NRG1: variants seen among roughly 807,000 people sequenced by gnomAD.
NRG1 encodes the protein neuregulin 1, also known as pro-neuregulin-1, membrane-bound isoform.
Under a neutral mutation model 63.8 loss-of-function variants are expected in NRG1, and 18 were observed. The observed-to-expected ratio is 0.28, with a 90% CI of 0.19 to 0.42. The LOEUF (loss-of-function observed/expected upper bound fraction) is 0.42. NRG1 is among the 10% of genes least tolerant of loss of function. The pLI is 1.00. For missense variants in NRG1, 762 were observed against 814.7 expected (o/e 0.94, Z 0.79); for synonymous variants, 302 against 301.3 (o/e 1.00, Z -0.02).
intron 1 of NRG1, among the ~76,000 whole-genome samples, chr8:32,534,755 C>T (rs1364804129): frequency 6.6e-6 from 1 of 152,148 alleles, no homozygotes; most frequent in Non-Finnish European, 1.5e-5. Context: ...TGGTTCAGAT[C>T]TCAATTCCAA....
rs546962734 is a variant in NRG1, at chr8:31,857,468, G to T, written c.37+218037G>T. Among the ~76,000 whole-genome samples the T allele has an allele frequency of 2.0e-5, 3 of 152,306 alleles. No individual in the cohort carries two copies. The East Asian group carries it at 5.8e-4, about 30-fold the overall frequency. ...GTGAGGCAATGCCTCGCCCTGCTTT[G>T]GCTCGCGCAGGGTATGCGCACCCAC... is the stretch of plus-strand genomic sequence containing the variant. On this transcript the variant is annotated intron_variant, in intron 1 of 10. Coordinates refer to the NRG1 transcript ENST00000519301.
At chr8:31,771,395 T>A (rs1818612886) in intron 1 of NRG1, among the ~76,000 whole-genome samples, 1 of 152,132 alleles carries the variant, frequency 6.6e-6, no homozygotes, top group Non-Finnish European at 1.5e-5. Context: ...GCATTTGGGT[T>A]TTTTTCCCCC....
intron 1 of NRG1, among the ~76,000 whole-genome samples, chr8:32,052,954 TG>T (rs1822234420): frequency 1.3e-5 from 2 of 152,290 alleles, no homozygotes; most frequent in Middle Eastern, 6.8e-3. Flanking sequence ...CTGGCCAATG[TG>T]GTTAGCTATA....
chr8:32,559,253 A>AAAAAAAAAAAAAAAAAAAAAAT (rs1835869605), intron 1 of NRG1, among the ~76,000 whole-genome samples: 1 of 150,242 alleles, frequency 6.7e-6, no homozygotes, highest in African/African-American at 2.4e-5. Flanking sequence ...TGTAAAAAAA[A>AAAAAAAAAAAAAAAAAAAAAAT]AAAAAAAAAA....
chr8:32,012,812 A>G (rs1423117038), intron 1 of NRG1, among the ~76,000 whole-genome samples: 1 of 152,158 alleles, frequency 6.6e-6, no homozygotes, highest in Non-Finnish European at 1.5e-5. Context: ...ATCAATTATT[A>G]TTACATAACA....
intron 2 of NRG1, among the ~76,000 whole-genome samples, chr8:32,601,426 T>G (rs1844336105): frequency 6.6e-6 from 1 of 152,180 alleles, no homozygotes; most frequent in Non-Finnish European, 1.5e-5. Flanking sequence ...AGAGAAAACC[T>G]AACTCTTTCA....
chr8:32,071,693 A>G (rs1825777742), intron 1 of NRG1, among the ~76,000 whole-genome samples: 1 of 152,322 alleles, frequency 6.6e-6, no homozygotes, highest in Non-Finnish European at 1.5e-5. Context: ...AACTACCTGC[A>G]GTGAGAAAGA....
intron 1 of NRG1, among the ~76,000 whole-genome samples, chr8:31,960,326 C>T (rs948642380): frequency 6.6e-6 from 1 of 152,084 alleles, no homozygotes; most frequent in Non-Finnish European, 1.5e-5. Flanking sequence ...GCTGTGGGAA[C>T]AAACGAGTTC....
chr8:32,752,114 T>C (rs1051747933), intron 7 of NRG1, among the ~76,000 whole-genome samples: 2 of 152,140 alleles, frequency 1.3e-5, no homozygotes, highest in African/African-American at 2.4e-5. Flanking sequence ...TCATCTCTTG[T>C]CAATAATACC....
chr8:31,858,910 G>A (rs1368363839), intron 1 of NRG1, among the ~76,000 whole-genome samples: 1 of 152,108 alleles, frequency 6.6e-6, no homozygotes. Flanking sequence ...ACTTCCTCAA[G>A]CATCTTGATA....
At chr8:32,195,213 T>A (rs550815982) in intron 1 of NRG1, among the ~76,000 whole-genome samples, 94 of 152,192 alleles carry the variant, frequency 6.2e-4, no homozygotes, top group African/African-American at 2.2e-3. Flanking sequence ...GTGGGAGGAC[T>A]GCTTGAACCC....
intron 1 of NRG1, among the ~76,000 whole-genome samples, chr8:32,378,533 T>C (rs1024148753): frequency 3.3e-5 from 5 of 152,202 alleles, no homozygotes; most frequent in African/African-American, 1.2e-4. Flanking sequence ...AGGAATTTTT[T>C]CTATTTTTAC....
chr8:32,600,490 A>G (rs1563741495), intron 2 of NRG1, among the ~76,000 whole-genome samples: 1 of 152,164 alleles, frequency 6.6e-6, no homozygotes, highest in Non-Finnish European at 1.5e-5. Context: ...ACTAAACTAA[A>G]TAATAGCTAA....
At chr8:32,141,958 C>G (rs183843672) in intron 1 of NRG1, among the ~76,000 whole-genome samples, 2 of 152,224 alleles carry the variant, frequency 1.3e-5, no homozygotes, top group East Asian at 3.9e-4. Context: ...TAGTAATCTT[C>G]AGCTCCGTGG....
chr8:32,078,852 C>T (rs1827004279), intron 1 of NRG1, among the ~76,000 whole-genome samples: 1 of 152,126 alleles, frequency 6.6e-6, no homozygotes, highest in Admixed American at 6.6e-5. Flanking sequence ...GACTCATTCT[C>T]TCTGTTGAGT....
At chr8:31,764,609 A>AT in intron 1 of NRG1, among the ~76,000 whole-genome samples, 1 of 152,254 alleles carries the variant, frequency 6.6e-6, no homozygotes, top group South Asian at 2.1e-4. Flanking sequence ...TATACAAAAT[A>AT]TTTTGCTGAG....
At chr8:32,233,784 C>T (rs939917651) in intron 1 of NRG1, among the ~76,000 whole-genome samples, 4 of 151,678 alleles carry the variant, frequency 2.6e-5, no homozygotes, top group Non-Finnish European at 4.4e-5. Context: ...AGGTTGGCCT[C>T]GATCTCTTGA....
chr8:31,717,118 G>A, intron 1 of NRG1, among the ~76,000 whole-genome samples: 1 of 152,128 alleles, frequency 6.6e-6, no homozygotes, highest in East Asian at 1.9e-4. Context: ...AGCAGATACA[G>A]GATTTTCACC....
chr8:31,722,875 G>T (rs1813061387), intron 1 of NRG1, among the ~76,000 whole-genome samples: 1 of 152,110 alleles, frequency 6.6e-6, no homozygotes, highest in Non-Finnish European at 1.5e-5. Flanking sequence ...ATGTGATGCT[G>T]CTAAGCCCTC....
Sources: gnomAD v4.1 joint callset for allele counts (sites outside exome capture counted in the v4.1 genomes callset) on GRCh38, gnomAD v4.1.1 for gene constraint, MANE v1.5 for transcripts, NCBI Gene and HGNC (gene_info 2026-07-23, HGNC 2026-07-21) for gene names.